Variants in FOXK1 observed in about 807,000 individuals in gnomAD.
The protein encoded by FOXK1 is forkhead box K1.
Under a neutral mutation model 51.9 loss-of-function variants are expected in FOXK1, and 19 were observed. The observed-to-expected ratio is 0.37, with a 90% CI of 0.26 to 0.54. The LOEUF (loss-of-function observed/expected upper bound fraction) is 0.54. FOXK1 is among the 20% of genes least tolerant of loss of function. The probability of loss-of-function intolerance (pLI) is 0.87; values close to 1 mark genes in which losing one functional copy is unlikely to be tolerated. For missense variants in FOXK1, 870 were observed against 1,032.7 expected (o/e 0.84, Z 2.16); for synonymous variants, 537 against 482.6 (o/e 1.11, Z -1.48).
intron 1 of FOXK1, among the ~76,000 whole-genome samples, chr7:4,696,400 G>C (rs1184086701): frequency 6.6e-6 from 1 of 152,176 alleles, no homozygotes; most frequent in African/African-American, 2.4e-5. Context: ...TGTCCTTCCA[G>C]ATTTGTAATT....
At position 4,722,876 on chromosome 7, in the gene FOXK1, G is replaced by A. The variant is rs1244619839; in HGVS notation, c.561-17962G>A. Among the ~76,000 whole-genome samples, 1 of 152,116 alleles carries A rather than the reference G, an allele frequency of 6.6e-6. No individual in the cohort carries two copies. On this transcript the variant is annotated intron_variant, in intron 1 of 8. Transcript: ENST00000328914. This position sits in a 1 kb window ranked among gnomAD's most constrained non-coding sequence, Gnocchi z 5.1. ...TTGGGCTCCGGTTCCCGCAGAATTG[G>A]CATCCAGGTGAGGTGCCTGTGGGCA...
chr7:4,746,505 C>T (rs922597236), intron 2 of FOXK1, among the ~76,000 whole-genome samples: 1 of 151,540 alleles, frequency 6.6e-6, no homozygotes, highest in Non-Finnish European at 1.5e-5. Flanking sequence ...CATAGTGAGA[C>T]CCCCATCTCT....
In FOXK1 at chr7:4,740,972, C is replaced by T. The variant is rs1347397343; in HGVS notation, c.695C>T (p.Pro232Leu). Residue 232 changes from proline to leucine, a missense_variant, in exon 2 of 9, where the codon CCG (proline) becomes CTG (leucine). Transcript: ENST00000328914. ...CCTCTGAAGATCCACATCCCGGAGC[C>T]GGACCTCCGGAGCATGGTCAGCCCC... ...ISPLKIHIPE[P>L]DLRSMVSPVP... 3.2e-6 allele frequency: 5 copies of T among 1,563,434 alleles called. No homozygotes were observed. The highest frequency in any genetic ancestry group is 2.8e-5 in the African/African-American group (2 of 71,446).
chr7:4,752,638 C>A (rs1780794343), intron 2 of FOXK1, among the ~76,000 whole-genome samples: 1 of 152,224 alleles, frequency 6.6e-6, no homozygotes, highest in Non-Finnish European at 1.5e-5. Flanking sequence ...GTGGCCATTC[C>A]CCAGCCTGTG....
chr7:4,683,981 C>T lies in FOXK1; in HGVS notation c.560+1113C>T, dbSNP rs149712497. On this transcript the variant is annotated intron_variant, in intron 1 of 8. Coordinates refer to ENST00000328914, the MANE Select transcript of FOXK1 (RefSeq NM_001037165.2). This position sits in a 1 kb window ranked among gnomAD's most constrained non-coding sequence, Gnocchi z 4.5. Reference sequence around the variant, plus strand: ...AGATCAAATTAGATTCCCCCGGGCCCGAGGTCACCAGGGCAGAGAGACCCA... The same window carrying T: ...AGATCAAATTAGATTCCCCCGGGCCTGAGGTCACCAGGGCAGAGAGACCCA... 1.4e-3 allele frequency among the ~76,000 whole-genome samples: 214 copies of T among 152,224 alleles called. No homozygotes were observed. Among genetic ancestry groups the T allele is most frequent in the Non-Finnish European group, 2.5e-3 (169 of 68,016 alleles).
At chr7:4,684,526 G>A (rs1434754930) in intron 1 of FOXK1, among the ~76,000 whole-genome samples, 1 of 152,190 alleles carries the variant, frequency 6.6e-6, no homozygotes, top group Non-Finnish European at 1.5e-5. Flanking sequence ...GAACTCAGGA[G>A]ATAACAAATT....
chr7:4,712,588 C>T lies in FOXK1; in HGVS notation c.561-28250C>T, dbSNP rs563233112. Among the ~76,000 whole-genome samples the T allele has an allele frequency of 2.6e-5, 4 of 152,254 alleles. No homozygotes were observed. In the East Asian group the frequency reaches 5.8e-4, roughly 22 times the overall value. The stretch of plus-strand genomic sequence containing the variant: ...CGGAGAGTTGTTAGAATCAAACCAC[C>T]GCTCTCTGAATTCTGGGTGTATTAT... On this transcript the variant is annotated intron_variant, in intron 1 of 8. Coordinates refer to ENST00000328914, the MANE Select transcript of FOXK1 (RefSeq NM_001037165.2).
At chr7:4,704,468 A>AAC (rs1780057546) in intron 1 of FOXK1, among the ~76,000 whole-genome samples, 1 of 150,512 alleles carries the variant, frequency 6.6e-6, no homozygotes, top group Non-Finnish European at 1.5e-5. Flanking sequence ...AAAAAAAAAA[A>AAC]GAAAAGAAAA....
At chr7:4,701,790 G>A (rs531276945) in intron 1 of FOXK1, among the ~76,000 whole-genome samples, 39 of 152,382 alleles carry the variant, frequency 2.6e-4, no homozygotes, top group African/African-American at 8.4e-4. Flanking sequence ...CTACTCGGGA[G>A]GCTGAGGCAG....
chr7:4,701,848 G>A (rs1428308499), intron 1 of FOXK1, among the ~76,000 whole-genome samples: 1 of 152,226 alleles, frequency 6.6e-6, no homozygotes, highest in Non-Finnish European at 1.5e-5. Flanking sequence ...AGCGGAGATC[G>A]CGCCACTGCA....
chr7:4,712,207 G>A (rs1780184009), intron 1 of FOXK1, among the ~76,000 whole-genome samples: 2 of 152,194 alleles, frequency 1.3e-5, no homozygotes, highest in South Asian at 2.1e-4. Context: ...TGAGACGTTC[G>A]ACGTGTCAGA....
In FOXK1 at chr7:4,707,183, C is replaced by T. The variant is rs1224402441; in HGVS notation, c.560+24315C>T. ...TTGTTACCACCCCTGGTGCGGTGGA[C>T]ACAGACATTGCCCAAACACTAACGG... is the stretch of plus-strand genomic sequence containing the variant. On this transcript the variant is annotated intron_variant, in intron 1 of 8. Coordinates refer to ENST00000328914, the MANE Select transcript of FOXK1 (RefSeq NM_001037165.2). The surrounding 1 kb of genome is among the most constrained non-coding windows in gnomAD (Gnocchi z 4.1). Among the ~76,000 whole-genome samples, 1 of 152,150 alleles carries T rather than the reference C, an allele frequency of 6.6e-6. No homozygotes were observed. Among genetic ancestry groups the T allele is most frequent in the Non-Finnish European group, 1.5e-5 (1 of 68,022 alleles).
chr7:4,754,004 G>A (rs1780811040), intron 2 of FOXK1, among the ~76,000 whole-genome samples: 2 of 152,210 alleles, frequency 1.3e-5, no homozygotes, highest in African/African-American at 2.4e-5. Flanking sequence ...CCTCTTTCCA[G>A]GATCTGCCTC....
At chr7:4,759,732 T>A in intron 7 of FOXK1, 137 bp downstream of exon 7, 1 of 1,070,942 alleles carries the variant, frequency 9.3e-7, no homozygotes, top group Non-Finnish European at 1.3e-6. Context: ...CGCTGCCTTG[T>A]CCCTTTAAAT....
chr7:4,704,408 G>A (rs1033692222), intron 1 of FOXK1, among the ~76,000 whole-genome samples: 3 of 139,760 alleles, frequency 2.1e-5, no homozygotes, highest in African/African-American at 5.4e-5. Context: ...CTGAGATCAC[G>A]CCACTGCACT....
rs932247400 is a variant in FOXK1, at chr7:4,765,546, C to G, written c.*3082C>G. On this transcript the variant is annotated 3_prime_UTR_variant, in exon 9 of 9. Transcript: ENST00000328914. ...TGTGGGGAGCAAAAGTAGCTGATTC[C>G]AGCCCCGTTCTGGGGTCACTGGGGA... 6.6e-6 allele frequency: 1 copy of G among 152,510 alleles called. No homozygotes were observed. The highest frequency in any genetic ancestry group is 1.5e-5 in the Non-Finnish European group (1 of 68,250). 9.4% of individuals were successfully genotyped at this position (152,510 alleles called of 1,614,324 possible). A position where few individuals can be genotyped will look rare whatever the true frequency, so the allele number is the denominator to read the frequency against.
chr7:4,724,403 C>T (rs930780240), intron 1 of FOXK1, among the ~76,000 whole-genome samples: 12 of 152,154 alleles, frequency 7.9e-5, no homozygotes, highest in Non-Finnish European at 2.9e-5. Context: ...ACCATGTTGG[C>T]CAGGGTGGTC....
At chr7:4,720,318 A>G (rs1780292585) in intron 1 of FOXK1, among the ~76,000 whole-genome samples, 2 of 131,204 alleles carry the variant, frequency 1.5e-5, no homozygotes, top group East Asian at 4.0e-4. Flanking sequence ...TCTGGGATTC[A>G]GTGACATGCA....
rs1780524777 is a variant in FOXK1 at position 4,734,484 on chromosome 7, T to G, written c.561-6354T>G. ...GCTTCCTCCTTGCCCCTCAAACTCC[T>G]TTGCCTCAGTCCCTGTCTTCCTTGA... is the stretch of plus-strand genomic sequence containing the variant. On this transcript the variant is annotated intron_variant, in intron 1 of 8. Transcript: ENST00000328914. This position sits in a 1 kb window ranked among gnomAD's most constrained non-coding sequence, Gnocchi z 5.2. 6.6e-6 allele frequency among the ~76,000 whole-genome samples: 1 copy of G among 152,158 alleles called. No individual in the cohort carries two copies. Among genetic ancestry groups the G allele is most frequent in the Admixed American group, 6.5e-5 (1 of 15,276 alleles).
Sources: allele counts gnomAD v4.1 joint callset (sites outside exome capture counted in the v4.1 genomes callset), GRCh38; gene constraint gnomAD v4.1.1; non-coding constraint Gnocchi (gnomAD v3.1); transcripts MANE v1.5; gene names NCBI Gene and HGNC (gene_info 2026-07-23, HGNC 2026-07-21).